LIN28B: variants seen among roughly 807,000 people sequenced by gnomAD.
LIN28B encodes the protein lin-28 RNA binding posttranscriptional regulator B.
Under a neutral mutation model 21.9 loss-of-function variants are expected in LIN28B, and 5 were observed. The observed-to-expected ratio is 0.23, with a 90% confidence interval of 0.12 to 0.48. The LOEUF (loss-of-function observed/expected upper bound fraction) is 0.48, where lower values mean the gene tolerates loss of function less well. Among genes scored for constraint, LIN28B ranks in the 20% least tolerant of loss-of-function variants. LIN28B has a pLI of 0.98. For missense variants in LIN28B, 245 were observed against 310.5 expected, an observed-to-expected ratio of 0.79 and a Z score of 1.58; for synonymous variants, 109 against 111.3, an observed-to-expected ratio of 0.98 and a Z score of 0.13.
At chr6:104,970,894 C>T (rs986338906) in intron 2 of LIN28B, among the ~76,000 whole-genome samples, 5 of 152,090 alleles carry the variant, frequency 3.3e-5, no homozygotes, top group African/African-American at 9.7e-5. Context: ...CTATCCACCT[C>T]CTGTGATATT....
At chr6:104,953,787 C>T (rs969206202), upstream of LIN28B, among the ~76,000 whole-genome samples, 6 of 152,176 alleles carry the variant, frequency 3.9e-5, no homozygotes, top group African/African-American at 1.4e-4. Context: ...CTACAGACCC[C>T]GCCTTATTTG....
At chr6:105,048,704 G>C (rs192607877) in intron 3 of LIN28B, among the ~76,000 whole-genome samples, 8 of 152,198 alleles carry the variant, frequency 5.3e-5, no homozygotes, top group Admixed American at 2.0e-4. Flanking sequence ...TCCTGTTATC[G>C]GTCTATTCAG....
intron 2 of LIN28B, among the ~76,000 whole-genome samples, chr6:104,944,822 C>G (rs1318567205): frequency 6.6e-6 from 1 of 151,988 alleles, no homozygotes; most frequent in Non-Finnish European, 1.5e-5. Flanking sequence ...AATTAAGGGT[C>G]AAAGGTGACA....
upstream of LIN28B, among the ~76,000 whole-genome samples, chr6:104,955,641 G>A (rs897112339): frequency 1.3e-5 from 2 of 151,710 alleles, no homozygotes; most frequent in Non-Finnish European, 2.9e-5. Flanking sequence ...CAGTGCTGGA[G>A]TGTGGATGTG....
chr6:104,978,345 G>A (rs1455470729), intron 2 of LIN28B, among the ~76,000 whole-genome samples: 1 of 152,136 alleles, frequency 6.6e-6, no homozygotes, highest in African/African-American at 2.4e-5. Flanking sequence ...AGTCTCATTG[G>A]GAAGATGAGA....
chr6:105,005,462 T>C (rs1182792337), intron 2 of LIN28B, among the ~76,000 whole-genome samples: 1 of 152,200 alleles, frequency 6.6e-6, no homozygotes, highest in Non-Finnish European at 1.5e-5. Context: ...TTTTAACCTT[T>C]TTTACTCTTT....
chr6:105,029,319 A>G (rs1292646318), intron 3 of LIN28B, among the ~76,000 whole-genome samples: 2 of 152,238 alleles, frequency 1.3e-5, no homozygotes, highest in Non-Finnish European at 2.9e-5. Context: ...AAGATTGAAC[A>G]TGCAGGAGAG....
rs573438477 is a variant in LIN28B, at chr6:105,080,799, G to A, written c.*2016G>A. The A allele has an allele frequency of 1.3e-5, 2 of 152,644 alleles. No individual in the cohort carries two copies. Among genetic ancestry groups the A allele is most frequent in the South Asian group, 4.1e-4 (2 of 4,820 alleles). 9.5% of individuals were successfully genotyped at this position (152,644 alleles called of 1,614,324 possible). The stretch of plus-strand genomic sequence containing the variant: ...CAATTTTTAGCAGGTATAATAAGCA[G>A]GTTAACAGTAAAAATGCAAAACATG... On this transcript the variant is annotated 3_prime_UTR_variant, in exon 4 of 4. Coordinates refer to ENST00000345080, the MANE Select transcript of LIN28B (RefSeq NM_001004317.4).
intron 2 of LIN28B, 38 bp from the exon 3 acceptor site, chr6:105,026,260 C>A (rs1409726837): frequency 8.0e-6 from 9 of 1,129,046 alleles, no homozygotes; most frequent in Non-Finnish European, 1.1e-5. Context: ...TAATTTTAAT[C>A]TCTCTTTTTC....
At chr6:105,048,897 T>A (rs908639008) in intron 3 of LIN28B, among the ~76,000 whole-genome samples, 5 of 152,216 alleles carry the variant, frequency 3.3e-5, no homozygotes, top group Non-Finnish European at 7.3e-5. Flanking sequence ...TCTATTTGAT[T>A]CTTCTCTCTT....
At chr6:105,036,047 T>A (rs1298037083) in intron 3 of LIN28B, among the ~76,000 whole-genome samples, 2 of 152,176 alleles carry the variant, frequency 1.3e-5, no homozygotes, top group African/African-American at 4.8e-5. Context: ...TCCTTTGCCT[T>A]TTTGAGACTG....
intron 3 of LIN28B, among the ~76,000 whole-genome samples, chr6:105,073,178 T>C (rs920866347): frequency 6.6e-5 from 10 of 152,196 alleles, no homozygotes; most frequent in Non-Finnish European, 1.5e-4. Flanking sequence ...GGCACACAAT[T>C]TTAATTAAAT....
chr6:105,052,659 G>A (rs1052631889), intron 3 of LIN28B, among the ~76,000 whole-genome samples: 1 of 152,076 alleles, frequency 6.6e-6, no homozygotes, highest in Non-Finnish European at 1.5e-5. Flanking sequence ...TATGTAAGCT[G>A]TGGAATGCTT....
intron 2 of LIN28B, among the ~76,000 whole-genome samples, chr6:104,996,991 G>A (rs1222276753): frequency 6.6e-6 from 1 of 151,882 alleles, no homozygotes; most frequent in Non-Finnish European, 1.5e-5. Flanking sequence ...TTTTTAAAAG[G>A]AAAAGAAAGG....
At chr6:105,010,480 A>AT (rs1491290922) in intron 2 of LIN28B, among the ~76,000 whole-genome samples, 2 of 151,584 alleles carry the variant, frequency 1.3e-5, no homozygotes, top group African/African-American at 4.9e-5. Flanking sequence ...TATCAAAGAT[A>AT]TTTTTTCTAA....
chr6:105,000,767 T>G (rs1260210467), intron 2 of LIN28B, among the ~76,000 whole-genome samples: 3 of 152,158 alleles, frequency 2.0e-5, no homozygotes, highest in Non-Finnish European at 4.4e-5. Context: ...TTCTAAGCAG[T>G]TGACATATAT....
intron 2 of LIN28B, among the ~76,000 whole-genome samples, chr6:104,946,197 G>A (rs1211924605): frequency 1.3e-5 from 2 of 151,898 alleles, no homozygotes; most frequent in African/African-American, 4.8e-5. Context: ...TGTGAAGCTT[G>A]TTTTCAAACT....
chr6:105,011,419 G>C (rs1770920060), intron 2 of LIN28B, among the ~76,000 whole-genome samples: 1 of 152,052 alleles, frequency 6.6e-6, no homozygotes, highest in Non-Finnish European at 1.5e-5. Context: ...TTAACTCCTG[G>C]GCCCAAGTGA....
At chr6:105,034,245 C>T (rs1239267050) in intron 3 of LIN28B, among the ~76,000 whole-genome samples, 1 of 151,736 alleles carries the variant, frequency 6.6e-6, no homozygotes, top group Non-Finnish European at 1.5e-5. Flanking sequence ...TATTTTGACC[C>T]AACCACATAT....
Sources: allele counts gnomAD v4.1 joint callset (sites outside exome capture counted in the v4.1 genomes callset), GRCh38; gene constraint gnomAD v4.1.1; transcripts MANE v1.5; gene names NCBI Gene and HGNC (gene_info 2026-07-23, HGNC 2026-07-21).